Variants in ZDHHC2 observed in about 807,000 individuals in gnomAD.
ZDHHC2 encodes palmitoyltransferase ZDHHC2.
A neutral mutation model predicts 55.6 loss-of-function variants in ZDHHC2; 51 were observed. The observed-to-expected ratio is 0.92, with a 90% CI of 0.73 to 1.16. The LOEUF is 1.16. Ranked by LOEUF, ZDHHC2 falls within the 50% of genes most tolerant of loss-of-function variation. The pLI is 0.00. For missense variants in ZDHHC2, 491 were observed against 442.4 expected (o/e 1.11, Z -0.99); for synonymous variants, 199 against 152.9 (o/e 1.30, Z -2.22).
chr8:17,209,013 G>A (rs141479849), intron 8 of ZDHHC2, among the ~76,000 whole-genome samples: 235 of 152,070 alleles, frequency 1.5e-3, no homozygotes, highest in African/African-American at 5.4e-3. Context: ...TCTTTTTAAT[G>A]GAGAAAAATC....
chr8:17,222,117 C>G lies in ZDHHC2; in HGVS notation c.*1896C>G, dbSNP rs1286185354. 3 of 150,534 alleles carry G rather than the reference C, an allele frequency of 2.0e-5. No individual in the cohort carries two copies. Among genetic ancestry groups the G allele is most frequent in the Admixed American group, 1.3e-4 (2 of 15,038 alleles). 9.3% of individuals were successfully genotyped at this position (150,534 alleles called of 1,614,324 possible). The stretch of plus-strand genomic sequence containing the variant: ...TTTTATCCTTTACTCTTCTAGAGTA[C>G]TGTTAATGCCCCTTTCCCACAGTCT... On this transcript the variant is annotated 3_prime_UTR_variant, in exon 13 of 13. Coordinates refer to ENST00000262096, the MANE Select transcript of ZDHHC2 (RefSeq NM_016353.5).
At chr8:17,169,422 A>C (rs1353652688) in intron 1 of ZDHHC2, among the ~76,000 whole-genome samples, 1 of 152,178 alleles carries the variant, frequency 6.6e-6, no homozygotes, top group Non-Finnish European at 1.5e-5. Context: ...AGCTTACTGC[A>C]TATAGGCAGG....
chr8:17,205,085 C>T (rs1465085629), intron 6 of ZDHHC2, among the ~76,000 whole-genome samples: 2 of 152,202 alleles, frequency 1.3e-5, no homozygotes. Flanking sequence ...TTCACTTCCT[C>T]AGGGCCACAT....
chr8:17,224,252 G>C lies in ZDHHC2; in HGVS notation c.*4031G>C, dbSNP rs1308632472. Reference sequence around the variant, plus strand: ...GGAAAGTGAGGGCAAAAACAAACTGGTGAAAAATGTTCAAAAATAGATCTT... The same window carrying C: ...GGAAAGTGAGGGCAAAAACAAACTGCTGAAAAATGTTCAAAAATAGATCTT... On this transcript the variant is annotated 3_prime_UTR_variant, in exon 13 of 13. Transcript: ENST00000262096. 1 of 151,650 alleles carries C rather than the reference G, an allele frequency of 6.6e-6. No individual in the cohort carries two copies. Among genetic ancestry groups the C allele is most frequent in the East Asian group, 1.9e-4 (1 of 5,192 alleles). The allele number at this position is 151,650 out of a possible 1,614,324, so 9.4% of individuals were successfully genotyped here. A position where few individuals can be genotyped will look rare whatever the true frequency, so the allele number is the denominator to read the frequency against.
chr8:17,198,329 A>G, intron 5 of ZDHHC2, 52 bp from the exon 6 acceptor site: 4 of 1,479,696 alleles, frequency 2.7e-6, no homozygotes, highest in South Asian at 1.4e-5. Flanking sequence ...ATAATTTAAT[A>G]TGATTAAAAT....
chr8:17,165,257 C>G (rs1361810844), intron 1 of ZDHHC2, among the ~76,000 whole-genome samples: 1 of 152,204 alleles, frequency 6.6e-6, no homozygotes, highest in Non-Finnish European at 1.5e-5. Context: ...AAGTGGGCAA[C>G]TCCATGTGAC....
chr8:17,164,779 T>G (rs1056057607), intron 1 of ZDHHC2, among the ~76,000 whole-genome samples: 1 of 152,220 alleles, frequency 6.6e-6, no homozygotes, highest in Admixed American at 6.5e-5. Context: ...GAAACCAGAA[T>G]GGCTTTGTCA....
At chr8:17,201,539 C>G (rs1318915431) in intron 6 of ZDHHC2, among the ~76,000 whole-genome samples, 1 of 114,700 alleles carries the variant, frequency 8.7e-6, no homozygotes, top group Non-Finnish European at 1.6e-5. Flanking sequence ...GTAACCTGGG[C>G]TAGAGTGTGG....
At chr8:17,180,234 T>G (rs906024253) in intron 1 of ZDHHC2, among the ~76,000 whole-genome samples, 1 of 152,228 alleles carries the variant, frequency 6.6e-6, no homozygotes, top group Non-Finnish European at 1.5e-5. Flanking sequence ...CTTTCACATT[T>G]AAGTTCTCAA....
rs188726885 is a variant in ZDHHC2, at chr8:17,178,384, A to G, written c.131-6405A>G. On this transcript the variant is annotated intron_variant, in intron 1 of 12. Coordinates refer to ENST00000262096, the MANE Select transcript of ZDHHC2 (RefSeq NM_016353.5). The stretch of plus-strand genomic sequence containing the variant: ...AAATCATTCTAGACTATATTAATAT[A>G]TAGTATCTATATATACACATACACA... Among the ~76,000 whole-genome samples the G allele has an allele frequency of 3.9e-5, 6 of 152,304 alleles. No individual in the cohort carries two copies. The East Asian group carries it at 7.7e-4, about 20-fold the overall frequency.
intron 4 of ZDHHC2, among the ~76,000 whole-genome samples, chr8:17,195,931 A>C (rs1241612727): frequency 3.3e-5 from 5 of 152,214 alleles, no homozygotes; most frequent in Non-Finnish European, 1.5e-5. Flanking sequence ...CTCATGTTTA[A>C]GGTTTTAATT....
intron 7 of ZDHHC2, among the ~76,000 whole-genome samples, 162 bp downstream of exon 7, chr8:17,205,937 A>T (rs1807082258): frequency 6.6e-6 from 1 of 152,188 alleles, no homozygotes; most frequent in Admixed American, 6.5e-5. Context: ...ATTCAGTAAG[A>T]TGTAATTGTA....
At chr8:17,159,017 T>C (rs751776988) in intron 1 of ZDHHC2, among the ~76,000 whole-genome samples, 8 of 152,238 alleles carry the variant, frequency 5.3e-5, no homozygotes, top group Non-Finnish European at 8.8e-5. Flanking sequence ...AAGAACAAGT[T>C]GAAGCTGAAT....
At chr8:17,219,300 T>C (rs566804605) in intron 12 of ZDHHC2, among the ~76,000 whole-genome samples, 8 of 150,056 alleles carry the variant, frequency 5.3e-5, no homozygotes, top group Admixed American at 3.3e-4. Flanking sequence ...CACTTCATAT[T>C]TTTTCTCCTA....
rs974453880 is a variant in ZDHHC2, at chr8:17,221,118, A to G, written c.*897A>G. 6.6e-6 allele frequency: 1 copy of G among 152,570 alleles called. No individual in the cohort carries two copies. Among genetic ancestry groups the G allele is most frequent in the Non-Finnish European group, 1.5e-5 (1 of 68,002 alleles). 9.5% of individuals were successfully genotyped at this position (152,570 alleles called of 1,614,324 possible). A position where few individuals can be genotyped will look rare whatever the true frequency, so the allele number is the denominator to read the frequency against. On this transcript the variant is annotated 3_prime_UTR_variant, in exon 13 of 13. Coordinates refer to ENST00000262096, the MANE Select transcript of ZDHHC2 (RefSeq NM_016353.5). ...TCTCTTAAGAATTCCTAATAGGTCA[A>G]TAGATTTACCCTCCAGTGATATCTA...
At chr8:17,177,699 T>C (rs557656071) in intron 1 of ZDHHC2, among the ~76,000 whole-genome samples, 4 of 152,240 alleles carry the variant, frequency 2.6e-5, no homozygotes, top group African/African-American at 9.6e-5. Context: ...AGCTTGGCTA[T>C]AAAGTTATCC....
intron 1 of ZDHHC2, among the ~76,000 whole-genome samples, chr8:17,166,912 C>G (rs1344557141): frequency 4.6e-5 from 7 of 152,042 alleles, no homozygotes; most frequent in African/African-American, 1.7e-4. Context: ...AAAAGAATCT[C>G]GTATACCAGT....
intron 1 of ZDHHC2, among the ~76,000 whole-genome samples, chr8:17,175,424 C>A (rs922567847): frequency 1.3e-5 from 2 of 152,172 alleles, no homozygotes; most frequent in Non-Finnish European, 2.9e-5. Context: ...TGGCATTTCA[C>A]GCTGCAGAAA....
At chr8:17,166,898 A>G (rs779122180) in intron 1 of ZDHHC2, among the ~76,000 whole-genome samples, 2 of 152,216 alleles carry the variant, frequency 1.3e-5, no homozygotes, top group Non-Finnish European at 2.9e-5. Flanking sequence ...TTACAAGGTT[A>G]CCAAAAAGAA....
Sources: gnomAD v4.1 joint callset for allele counts (sites outside exome capture counted in the v4.1 genomes callset) on GRCh38, gnomAD v4.1.1 for gene constraint, MANE v1.5 for transcripts, NCBI Gene and HGNC (gene_info 2026-07-23, HGNC 2026-07-21) for gene names.